CNTN6: variants seen among roughly 807,000 people sequenced by gnomAD.
CNTN6 encodes the protein contactin-6.
Under a neutral mutation model 122.8 loss-of-function variants are expected in CNTN6, and 137 were observed. That is an observed-to-expected ratio of 1.12 (90% CI 0.97 to 1.29). The LOEUF (loss-of-function observed/expected upper bound fraction) is 1.29. CNTN6 is among the 50% of genes most tolerant of loss of function. CNTN6 has a pLI of 0.00. For missense variants in CNTN6, 1,634 were observed against 1,223.4 expected, an observed-to-expected ratio of 1.34 and a Z score of -5.01; for synonymous variants, 570 against 426.0, an observed-to-expected ratio of 1.34 and a Z score of -4.16.
intron 4 of CNTN6, among the ~76,000 whole-genome samples, chr3:1,276,226 A>G (rs1405744919): frequency 6.6e-6 from 1 of 152,184 alleles, no homozygotes; most frequent in Non-Finnish European, 1.5e-5. Flanking sequence ...CTTTATGCCA[A>G]TCTAACAGGA....
chr3:1,366,248 C>G (rs1055481858), intron 12 of CNTN6, among the ~76,000 whole-genome samples: 1 of 152,062 alleles, frequency 6.6e-6, no homozygotes, highest in Non-Finnish European at 1.5e-5. Context: ...ATAAGTAACC[C>G]TTTGTTTTGT....
chr3:1,378,578 G>A (rs971143246), intron 17 of CNTN6, among the ~76,000 whole-genome samples: 1 of 152,106 alleles, frequency 6.6e-6, no homozygotes, highest in East Asian at 1.9e-4. Flanking sequence ...TGTTTTCAGA[G>A]AGTTGGAACT....
Position 1,120,330 on chromosome 3 carries a change from A to G in CNTN6, c.-83+27210A>G, listed in dbSNP as rs933533946. Among the ~76,000 whole-genome samples the G allele has an allele frequency of 2.0e-5, 3 of 151,934 alleles. No individual in the cohort carries two copies. The East Asian group carries it at 5.8e-4, about 29-fold the overall frequency. On this transcript the variant is annotated intron_variant, in intron 1 of 22. Transcript: ENST00000446702. ...TACATTCCTGCCAGCAATATACGAA[A>G]GGTTTAGCTGTTCTACCTCGTCATC...
At chr3:1,162,592 T>C (rs1419527979) in intron 2 of CNTN6, among the ~76,000 whole-genome samples, 1 of 152,246 alleles carries the variant, frequency 6.6e-6, no homozygotes, top group African/African-American at 2.4e-5. Context: ...ACTTGATATA[T>C]CTAAGTTCAT....
At chr3:1,274,689 T>C (rs1233692518) in intron 4 of CNTN6, among the ~76,000 whole-genome samples, 1 of 152,120 alleles carries the variant, frequency 6.6e-6, no homozygotes, top group Admixed American at 6.5e-5. Context: ...CCTCCAAAAA[T>C]TTTACTGGAA....
chr3:1,108,683 G>T (rs1042778714), intron 1 of CNTN6, among the ~76,000 whole-genome samples: 1 of 151,914 alleles, frequency 6.6e-6, no homozygotes, highest in African/African-American at 2.4e-5. Flanking sequence ...TGCCAGATTT[G>T]ATTTGTATTT....
chr3:1,130,515 T>C lies in CNTN6; in HGVS notation c.-82-17412T>C, dbSNP rs570802340. On this transcript the variant is annotated intron_variant, in intron 1 of 22. Transcript: ENST00000446702. ...CATCTTTCTAGCCCCGTTGTTGAGT[T>C]CCTGAGCATTGTTCTGCACCACCTT... Among the ~76,000 whole-genome samples the C allele has an allele frequency of 2.1e-4, 32 of 152,212 alleles. No individual in the cohort carries two copies. In the South Asian group the frequency reaches 6.2e-3, roughly 30 times the overall value.
chr3:1,108,717 T>G (rs148441938), intron 1 of CNTN6, among the ~76,000 whole-genome samples: 46 of 152,200 alleles, frequency 3.0e-4, no homozygotes, highest in African/African-American at 1.1e-3. Context: ...TGTAAATAAA[T>G]AACTGATTTT....
rs1376150816 is a variant in CNTN6 at position 1,383,217 on chromosome 3, C to T, written c.2401+41C>T. ...CTCTGGTTTTCTTTGAGACTCTATG[C>T]ATAGTTTGTGTTCCCTTGTTCCATT... is the stretch of plus-strand genomic sequence containing the variant. On this transcript the variant is annotated intron_variant, in intron 18 of 22. Transcript: ENST00000446702. 1.9e-6 allele frequency: 3 copies of T among 1,590,240 alleles called. No individual in the cohort carries two copies. The Admixed American group carries it at 5.0e-5, about 27-fold the overall frequency.
At chr3:1,342,290 C>T (rs746427117) in intron 11 of CNTN6, among the ~76,000 whole-genome samples, 1 of 151,936 alleles carries the variant, frequency 6.6e-6, no homozygotes, top group Non-Finnish European at 1.5e-5. Context: ...CCACCACACC[C>T]GGCTAATTTT....
intron 4 of CNTN6, among the ~76,000 whole-genome samples, chr3:1,274,185 G>T (rs1213387488): frequency 6.6e-6 from 1 of 152,012 alleles, no homozygotes. Flanking sequence ...TTAAAATAAA[G>T]CTTATTAGGC....
At chr3:1,363,696 T>C (rs1483073719) in intron 12 of CNTN6, among the ~76,000 whole-genome samples, 2 of 151,986 alleles carry the variant, frequency 1.3e-5, no homozygotes, top group African/African-American at 2.4e-5. Flanking sequence ...ATATCTTAAC[T>C]ATCATGAATA....
rs2094217339 is a variant in CNTN6, at chr3:1,222,275, T to C, written c.182+1462T>C. Among the ~76,000 whole-genome samples the C allele has an allele frequency of 2.0e-5, 3 of 152,198 alleles. No individual in the cohort carries two copies. In the South Asian group the frequency reaches 6.2e-4, roughly 31 times the overall value. On this transcript the variant is annotated intron_variant, in intron 3 of 22. Coordinates refer to ENST00000446702, the MANE Select transcript of CNTN6 (RefSeq NM_001289080.2). Reference sequence around the variant, plus strand: ...TTAGTTTTTCTTAAATGATGAGCTGTCCTATTAGTTTAATATATGGTTAAA... The same window carrying C: ...TTAGTTTTTCTTAAATGATGAGCTGCCCTATTAGTTTAATATATGGTTAAA...
At chr3:1,390,717 A>G (rs1374767236) in intron 20 of CNTN6, among the ~76,000 whole-genome samples, 6 of 152,064 alleles carry the variant, frequency 3.9e-5, no homozygotes, top group African/African-American at 1.2e-4. Context: ...AAAATGATAA[A>G]GGGGATATCA....
chr3:1,132,196 T>A (rs945699716), intron 1 of CNTN6, among the ~76,000 whole-genome samples: 3 of 152,150 alleles, frequency 2.0e-5, no homozygotes, highest in African/African-American at 7.2e-5. Flanking sequence ...AAACTCTGAA[T>A]AACATCTTGT....
At chr3:1,309,913 G>C (rs148503076) in intron 7 of CNTN6, among the ~76,000 whole-genome samples, 2 of 152,196 alleles carry the variant, frequency 1.3e-5, no homozygotes, top group Non-Finnish European at 2.9e-5. Context: ...TATGTTAATT[G>C]TGGAATTCAA....
intron 2 of CNTN6, among the ~76,000 whole-genome samples, chr3:1,158,631 G>A (rs1354083188): frequency 1.3e-5 from 2 of 151,292 alleles, no homozygotes; most frequent in Admixed American, 1.3e-4. Flanking sequence ...GGAGTGCAGT[G>A]GCAAGATCAT....
At chr3:1,326,995 G>A (rs977497308) in intron 9 of CNTN6, among the ~76,000 whole-genome samples, 1 of 151,822 alleles carries the variant, frequency 6.6e-6, no homozygotes, top group Non-Finnish European at 1.5e-5. Context: ...AGAAAGGAAG[G>A]ATTTAGCTAC....
chr3:1,335,888 G>A (rs996387523), intron 11 of CNTN6, among the ~76,000 whole-genome samples: 3 of 151,918 alleles, frequency 2.0e-5, no homozygotes, highest in Non-Finnish European at 4.4e-5. Flanking sequence ...AAAAGGAATG[G>A]GGTGGAACAT....
Sources: allele counts gnomAD v4.1 joint callset (sites outside exome capture counted in the v4.1 genomes callset), GRCh38; gene constraint gnomAD v4.1.1; transcripts MANE v1.5; gene names NCBI Gene and HGNC (gene_info 2026-07-23, HGNC 2026-07-21).